Variants in KNDC1 observed in about 807,000 individuals in gnomAD.
The protein encoded by KNDC1 is kinase non-catalytic C-lobe domain-containing protein 1.
Under a neutral mutation model 172.8 loss-of-function variants are expected in KNDC1, and 106 were observed. The ratio of observed to expected loss-of-function variants is 0.61; its 90% confidence interval spans 0.52 to 0.72. The LOEUF is 0.72. Ranked by LOEUF, KNDC1 falls within the 30% of genes least tolerant of loss-of-function variation. The pLI is 0.00. For synonymous variants in KNDC1, 1,083 were observed against 1,062.2 expected (o/e 1.02, Z -0.38); for missense variants, 2,325 against 2,394.5 (o/e 0.97, Z 0.61).
Position 133,206,878 on chromosome 10 carries a change from G to A in KNDC1, c.3504G>A (p.Leu1168=). Residue 1168 remains leucine, a synonymous_variant, in exon 19 of 30, where the codon CTG becomes CTA. Transcript: ENST00000304613. ...RNKGSDVKTM[L]SKLKGQLEEM... is the part of the protein sequence containing the mutation. ...CAGGTTCCGACGTCAAGACCATGCT[G>A]TCCAAGCTGAAAGGGCAGCTAGAAG... 1 of 1,614,120 alleles carries A rather than the reference G, an allele frequency of 6.2e-7. No individual in the cohort carries two copies. The highest frequency in any genetic ancestry group is 8.5e-7 in the Non-Finnish European group (1 of 1,180,010).
In KNDC1 at chr10:133,194,615, C is replaced by T. The variant is rs147562935; in HGVS notation, c.1576-1048C>T. Among the ~76,000 whole-genome samples the T allele has an allele frequency of 2.5e-4, 38 of 152,312 alleles. 1 individual carries two copies. The highest frequency in any genetic ancestry group is 8.4e-4 in the African/African-American group (35 of 41,578). On this transcript the variant is annotated intron_variant, in intron 9 of 29. Transcript: ENST00000304613. ...TGACTCTAGTTGGCTGTTCTATGCT[C>T]GTGGGGCTGTCTGCGTCTGCTGTGC...
chr10:133,216,209 G>A (rs549442831), intron 26 of KNDC1, among the ~76,000 whole-genome samples: 5 of 152,138 alleles, frequency 3.3e-5, no homozygotes, highest in Non-Finnish European at 5.9e-5. Flanking sequence ...TGCCTGGAGT[G>A]AGGCGAGGTG....
rs1425643065 is a variant in KNDC1, at chr10:133,163,130, G to A, written c.102+2561G>A. The stretch of plus-strand genomic sequence containing the variant: ...AACAGTGCAATCCAGGCAGAACAGC[G>A]GCTGCAGAAGAGGCACACAGTCCAG... On this transcript the variant is annotated intron_variant, in intron 1 of 29. Transcript: ENST00000304613. This position sits in a 1 kb window ranked among gnomAD's most constrained non-coding sequence, Gnocchi z 4.4. Among the ~76,000 whole-genome samples the A allele has an allele frequency of 2.6e-5, 4 of 152,184 alleles. No individual in the cohort carries two copies. Among genetic ancestry groups the A allele is most frequent in the Non-Finnish European group, 1.5e-5 (1 of 68,022 alleles).
intron 3 of KNDC1, among the ~76,000 whole-genome samples, chr10:133,174,652 G>A (rs908969204): frequency 1.3e-5 from 2 of 151,694 alleles, no homozygotes; most frequent in Non-Finnish European, 2.9e-5. Flanking sequence ...AGGTGGATGG[G>A]TGAATGGACA....
chr10:133,207,401 C>A, intron 20 of KNDC1, 50 bp downstream of exon 20: 1 of 1,550,076 alleles, frequency 6.5e-7, no homozygotes, highest in Non-Finnish European at 8.9e-7. Flanking sequence ...GCCCGGGGTG[C>A]TGAGAAGAGG....
chr10:133,186,257 GA>G lies in KNDC1; in HGVS notation c.911del (p.Lys304ArgfsTer21). The G allele has an allele frequency of 6.2e-7, 1 of 1,602,830 alleles. No homozygotes were observed. The highest frequency in any genetic ancestry group is 8.5e-7 in the Non-Finnish European group (1 of 1,175,480). On this transcript the variant is annotated frameshift_variant, in exon 6 of 30. Coordinates refer to ENST00000304613, the MANE Select transcript of KNDC1 (RefSeq NM_152643.8). LOFTEE classifies it high-confidence loss of function. ...RDALRRSRLR[K>X]VQTFPRLLSD... is the part of the protein sequence containing the mutation. Reference sequence around the variant, plus strand: ...ACGCCCTCAGGAGAAGCCGCCTGCGGAAGGTGCAGACGTTCCCTAGGCTGCT... The same window carrying G: ...ACGCCCTCAGGAGAAGCCGCCTGCGGAGGTGCAGACGTTCCCTAGGCTGCT...
chr10:133,168,872 T>C (rs1853275778), intron 3 of KNDC1, among the ~76,000 whole-genome samples: 1 of 152,298 alleles, frequency 6.6e-6, no homozygotes, highest in Non-Finnish European at 1.5e-5. Flanking sequence ...GTGCAGCCCC[T>C]TGGGGACCCT....
chr10:133,195,822 G>T lies in KNDC1; in HGVS notation c.1734+1G>T. ...GCCGTCCGCGGCTGAGGCCATCAAG[G>T]TAACCACACCACAGTCATGGCCCCA... On this transcript the variant is annotated splice_donor_variant, in intron 10 of 29. Coordinates refer to ENST00000304613, the MANE Select transcript of KNDC1 (RefSeq NM_152643.8). LOFTEE classifies it high-confidence loss of function. The T allele has an allele frequency of 6.4e-7, 1 of 1,552,822 alleles. No homozygotes were observed. Among genetic ancestry groups the T allele is most frequent in the Non-Finnish European group, 8.7e-7 (1 of 1,149,800 alleles).
Position 133,216,324 on chromosome 10 carries a change from G to A in KNDC1, c.4677+2202G>A, listed in dbSNP as rs542885383. 4.0e-5 allele frequency among the ~76,000 whole-genome samples: 6 copies of A among 149,942 alleles called. No individual in the cohort carries two copies. The East Asian group carries it at 7.9e-4, about 20-fold the overall frequency. ...GTCTTGGTGGCACCGTTTAGACGACGTCTGGAGGGAGACAAGGTGGAAACA... is the reference window on the plus strand; with the variant it reads ...GTCTTGGTGGCACCGTTTAGACGACATCTGGAGGGAGACAAGGTGGAAACA... On this transcript the variant is annotated intron_variant, in intron 26 of 29. Coordinates refer to ENST00000304613, the MANE Select transcript of KNDC1 (RefSeq NM_152643.8).
At chr10:133,170,773 G>A (rs576236051) in intron 3 of KNDC1, among the ~76,000 whole-genome samples, 11 of 152,282 alleles carry the variant, frequency 7.2e-5, no homozygotes, top group East Asian at 1.9e-4. Flanking sequence ...TGTGGAAAAC[G>A]CCTGGATTTT....
At chr10:133,182,591 C>T (rs541911858) in intron 3 of KNDC1, among the ~76,000 whole-genome samples, 57 of 152,352 alleles carry the variant, frequency 3.7e-4, no homozygotes, top group Admixed American at 1.2e-3. Flanking sequence ...GCCTGAAGTG[C>T]GGCCGTGTCC....
At chr10:133,217,413 G>A (rs1845488237) in intron 26 of KNDC1, among the ~76,000 whole-genome samples, 1 of 152,274 alleles carries the variant, frequency 6.6e-6, no homozygotes, top group African/African-American at 2.4e-5. Context: ...AGCTGCACAG[G>A]GGCCCTGCAG....
chr10:133,179,174 G>C (rs1038645230), intron 3 of KNDC1: 2 of 152,214 alleles, frequency 1.3e-5, no homozygotes, highest in Non-Finnish European at 2.9e-5. Context: ...GCTCTGCTGG[G>C]CTCTGACCCA....
intron 11 of KNDC1, among the ~76,000 whole-genome samples, chr10:133,197,369 C>T (rs902719218): frequency 3.9e-5 from 6 of 152,146 alleles, no homozygotes; most frequent in Admixed American, 2.0e-4. Flanking sequence ...CCAAGGACGG[C>T]GGCCCAGCAC....
intron 20 of KNDC1, among the ~76,000 whole-genome samples, chr10:133,208,750 C>T (rs905955571): frequency 9.2e-5 from 14 of 152,182 alleles, no homozygotes; most frequent in African/African-American, 3.1e-4. Flanking sequence ...GGGAGACGTC[C>T]GTGTGCGTGA....
At chr10:133,162,712 C>T (rs1389024228) in intron 1 of KNDC1, among the ~76,000 whole-genome samples, 1 of 152,260 alleles carries the variant, frequency 6.6e-6, no homozygotes, top group African/African-American at 2.4e-5. Flanking sequence ...GCGGCTTGTG[C>T]TGGCAAGGAC....
intron 3 of KNDC1, chr10:133,173,915 T>C (rs1041939796): frequency 6.6e-6 from 1 of 152,236 alleles, no homozygotes; most frequent in Non-Finnish European, 1.5e-5. Flanking sequence ...TTTCATTCTC[T>C]TCTTAACTTC....
At chr10:133,208,699 A>G (rs541413677) in intron 20 of KNDC1, among the ~76,000 whole-genome samples, 3 of 152,162 alleles carry the variant, frequency 2.0e-5, no homozygotes, top group South Asian at 4.1e-4. Context: ...ACTGCAAGAC[A>G]GACACAGCCC....
chr10:133,210,240 C>T (rs1312573463), intron 20 of KNDC1, among the ~76,000 whole-genome samples: 1 of 151,702 alleles, frequency 6.6e-6, no homozygotes. Context: ...CAAAAATCAG[C>T]CGGGCATGGT....
Sources: allele counts gnomAD v4.1 joint callset (sites outside exome capture counted in the v4.1 genomes callset), GRCh38; gene constraint gnomAD v4.1.1; non-coding constraint Gnocchi (gnomAD v3.1); transcripts MANE v1.5; gene names NCBI Gene and HGNC (gene_info 2026-07-23, HGNC 2026-07-21).